Variants in SNX29 observed in about 807,000 individuals in gnomAD.
SNX29 encodes the protein sorting nexin 29.
A neutral mutation model predicts 102.1 loss-of-function variants in SNX29; 78 were observed. The ratio of observed to expected loss-of-function variants is 0.76; its 90% CI spans 0.64 to 0.92. The LOEUF (loss-of-function observed/expected upper bound fraction) is 0.92. Among genes scored for constraint, SNX29 ranks in the 40% least tolerant of loss-of-function variants. The pLI is 0.00. For missense variants in SNX29, 1,280 were observed against 1,061.7 expected, an observed-to-expected ratio of 1.21 and a Z score of -2.86; for synonymous variants, 580 against 414.5, an observed-to-expected ratio of 1.40 and a Z score of -4.85.
At chr16:12,413,698 C>T (rs1311939318) in intron 18 of SNX29, among the ~76,000 whole-genome samples, 1 of 152,186 alleles carries the variant, frequency 6.6e-6, no homozygotes, top group East Asian at 1.9e-4. Flanking sequence ...TGGAGGTGGG[C>T]AGCATGTTGA....
At chr16:12,006,932 T>A (rs2151038228) in intron 3 of SNX29, among the ~76,000 whole-genome samples, 1 of 152,334 alleles carries the variant, frequency 6.6e-6, no homozygotes, top group East Asian at 1.9e-4. Flanking sequence ...ATCCCTTTTT[T>A]ACTGATGAGA....
chr16:12,152,205 A>G (rs1243989375), intron 13 of SNX29, among the ~76,000 whole-genome samples: 1 of 152,144 alleles, frequency 6.6e-6, no homozygotes, highest in African/African-American at 2.4e-5. Flanking sequence ...TGGGCAGCAA[A>G]GCAAGACCCT....
At chr16:12,529,791 C>G (rs2076883383) in intron 20 of SNX29, among the ~76,000 whole-genome samples, 1 of 152,154 alleles carries the variant, frequency 6.6e-6, no homozygotes, top group East Asian at 1.9e-4. Flanking sequence ...CTCAGCGATG[C>G]CACACCCTGA....
chr16:12,337,225 T>A (rs1054742268), intron 15 of SNX29, among the ~76,000 whole-genome samples: 8 of 152,218 alleles, frequency 5.3e-5, no homozygotes, highest in African/African-American at 1.9e-4. Context: ...TATGTCACAC[T>A]GTCTCCACAG....
intron 15 of SNX29, among the ~76,000 whole-genome samples, chr16:12,344,480 G>A (rs2081721815): frequency 6.6e-6 from 1 of 152,176 alleles, no homozygotes; most frequent in African/African-American, 2.4e-5. Context: ...TATCCATAGT[G>A]TTTAAAACAG....
intron 14 of SNX29, among the ~76,000 whole-genome samples, chr16:12,274,660 C>T (rs1596718005): frequency 6.6e-6 from 1 of 152,004 alleles, no homozygotes; most frequent in South Asian, 2.1e-4. Flanking sequence ...CCTCAGCCTC[C>T]CGAGTACCTG....
intron 17 of SNX29, among the ~76,000 whole-genome samples, chr16:12,399,944 C>G (rs775832543): frequency 1.3e-5 from 2 of 152,036 alleles, no homozygotes; most frequent in Non-Finnish European, 2.9e-5. Context: ...GTCCCAGACA[C>G]GAGGCTGGAA....
intron 4 of SNX29, among the ~76,000 whole-genome samples, chr16:12,041,477 T>C (rs2049877381): frequency 6.6e-6 from 1 of 152,230 alleles, no homozygotes; most frequent in Non-Finnish European, 1.5e-5. Flanking sequence ...TTAAACACTA[T>C]AATTTATTCT....
chr16:12,234,751 C>T (rs1420746822), intron 14 of SNX29, among the ~76,000 whole-genome samples: 1 of 152,200 alleles, frequency 6.6e-6, no homozygotes, highest in African/African-American at 2.4e-5. Context: ...CATTCCCTCT[C>T]TGGACTTAGC....
intron 1 of SNX29, among the ~76,000 whole-genome samples, chr16:11,978,153 A>G (rs1304208917): frequency 6.6e-6 from 1 of 151,986 alleles, no homozygotes; most frequent in Non-Finnish European, 1.5e-5. Flanking sequence ...CAGTCCTAAT[A>G]ATGAGGGGGC....
At chr16:12,400,750 A>T (rs563104319) in intron 17 of SNX29, among the ~76,000 whole-genome samples, 1 of 152,358 alleles carries the variant, frequency 6.6e-6, no homozygotes, top group African/African-American at 2.4e-5. Context: ...ATGTGATGTA[A>T]AAAATCAACA....
Position 12,571,718 on chromosome 16 carries a change from G to A in SNX29, c.*3089G>A, listed in dbSNP as rs1217777972. On this transcript the variant is annotated 3_prime_UTR_variant, in exon 21 of 21. Transcript: ENST00000566228. The stretch of plus-strand genomic sequence containing the variant: ...ACAACAAAAGCTTCTAAGGGAGGGA[G>A]CTTAAAGGCTGCTAGAAACCTAGCC... The A allele has an allele frequency of 3.8e-6, 4 of 1,053,022 alleles. No homozygotes were observed. Among genetic ancestry groups the A allele is most frequent in the Non-Finnish European group, 4.6e-6 (4 of 869,396 alleles). 65.2% of individuals were successfully genotyped at this position (1,053,022 alleles called of 1,614,324 possible). A position where few individuals can be genotyped will look rare whatever the true frequency, so the allele number is the denominator to read the frequency against.
intron 14 of SNX29, among the ~76,000 whole-genome samples, chr16:12,262,589 C>G (rs1328394860): frequency 1.3e-5 from 2 of 152,170 alleles, no homozygotes; most frequent in Non-Finnish European, 2.9e-5. Context: ...GAGCGCAGGC[C>G]TGTCGCGGAG....
intron 18 of SNX29, among the ~76,000 whole-genome samples, chr16:12,471,012 G>A (rs1391193713): frequency 1.3e-5 from 2 of 152,142 alleles, no homozygotes; most frequent in Non-Finnish European, 2.9e-5. Flanking sequence ...ATAACTGTGG[G>A]GACGTGAACC....
At chr16:12,507,732 G>T (rs116973521) in intron 19 of SNX29, among the ~76,000 whole-genome samples, 4,366 of 152,220 alleles carry the variant, frequency 0.029, 85 homozygotes, top group East Asian at 0.068. Context: ...TTTGTCTAGA[G>T]TATATAGTGC....
At chr16:12,233,771 C>T (rs915309605) in intron 14 of SNX29, among the ~76,000 whole-genome samples, 1 of 152,060 alleles carries the variant, frequency 6.6e-6, no homozygotes, top group South Asian at 2.1e-4. Flanking sequence ...CACTCTCCAC[C>T]CCAGGGCCTG....
chr16:12,406,995 T>G (rs754798613), intron 18 of SNX29, among the ~76,000 whole-genome samples: 5 of 152,248 alleles, frequency 3.3e-5, no homozygotes, highest in African/African-American at 1.2e-4. Context: ...TGATGGCTCC[T>G]GTTCTGGACA....
chr16:12,336,947 A>AAAAC (rs565639398), intron 15 of SNX29, among the ~76,000 whole-genome samples: 7 of 152,324 alleles, frequency 4.6e-5, no homozygotes, highest in East Asian at 3.9e-4. Context: ...CCCTGTCTCA[A>AAAAC]AAACAAACAA....
Position 12,572,716 on chromosome 16 carries a change from C to T in SNX29, c.*4087C>T, listed in dbSNP as rs1051743617. The T allele has an allele frequency of 9.4e-7, 1 of 1,063,914 alleles. No homozygotes were observed. The allele number at this position is 1,063,914 out of a possible 1,614,324, so 65.9% of individuals were successfully genotyped here. On this transcript the variant is annotated 3_prime_UTR_variant, in exon 21 of 21. Coordinates refer to ENST00000566228, the MANE Select transcript of SNX29 (RefSeq NM_032167.5). ...CTCCAGCAGCATCTTCCAGCCTTGG[C>T]ACAGAACTGATGGCAAAGGAAGGGC...
Sources: gnomAD v4.1 joint callset for allele counts (sites outside exome capture counted in the v4.1 genomes callset) on GRCh38, gnomAD v4.1.1 for gene constraint, MANE v1.5 for transcripts, NCBI Gene and HGNC (gene_info 2026-07-23, HGNC 2026-07-21) for gene names.